The following DACH2 variants were observed in gnomAD, a reference collection of about 807,000 sequenced individuals.
DACH2 encodes the protein dachshund homolog 2.
In DACH2, 17 loss-of-function variants were observed where a neutral mutation model predicts 35.8. The ratio of observed to expected loss-of-function variants is 0.48; its 90% CI spans 0.33 to 0.71. The LOEUF is 0.71. Ranked by LOEUF, DACH2 falls within the 30% of genes least tolerant of loss-of-function variation. The probability of loss-of-function intolerance (pLI) is 0.02; values close to 1 mark genes in which losing one functional copy is unlikely to be tolerated. For missense variants in DACH2, 469 were observed against 472.7 expected (o/e 0.99, Z 0.07); for synonymous variants, 195 against 177.3 (o/e 1.10, Z -0.79).
At position 86,670,393 on chromosome X, in the gene DACH2, G is replaced by T. The variant is rs147428196; in HGVS notation, c.772+19226G>T. On this transcript the variant is annotated intron_variant, in intron 4 of 11. Coordinates refer to ENST00000373125, the MANE Select transcript of DACH2 (RefSeq NM_053281.3). The stretch of plus-strand genomic sequence containing the variant: ...TAGCTCTGTCTTCATTATAGACAAA[G>T]ATTCTTTTGTCAATAAAAACAAAGA... Among the ~76,000 whole-genome samples, 124 of 111,466 alleles carry T rather than the reference G, an allele frequency of 1.1e-3. 3 individuals carry two copies. In the East Asian group the frequency reaches 0.032, roughly 29 times the overall value.
At chrX:86,752,453 A>T (rs1308535379) in intron 7 of DACH2, among the ~76,000 whole-genome samples, 1 of 111,713 alleles carries the variant, frequency 9.0e-6, no homozygotes, top group Non-Finnish European at 1.9e-5. Flanking sequence ...GCTTATTATT[A>T]AAAGGTTAGA....
intron 3 of DACH2, among the ~76,000 whole-genome samples, chrX:86,528,965 A>G (rs1244513827): frequency 8.9e-6 from 1 of 112,166 alleles, no homozygotes; most frequent in Non-Finnish European, 1.9e-5. Flanking sequence ...TCTTGTAGCT[A>G]TTTTGAAAAA....
chrX:86,673,925 C>T (rs1461901397), intron 4 of DACH2, among the ~76,000 whole-genome samples: 1 of 111,996 alleles, frequency 8.9e-6, no homozygotes, highest in East Asian at 2.8e-4. Context: ...ATGCTTTCAC[C>T]ATGATTCTAA....
At chrX:86,424,240 T>C (rs2036854610) in intron 2 of DACH2, among the ~76,000 whole-genome samples, 1 of 111,358 alleles carries the variant, frequency 9.0e-6, no homozygotes, top group African/African-American at 3.3e-5. Context: ...GGTATTTTGA[T>C]AGGGATTTCA....
intron 2 of DACH2, among the ~76,000 whole-genome samples, chrX:86,501,617 C>A (rs1389353535): frequency 8.9e-6 from 1 of 112,032 alleles, no homozygotes; most frequent in Non-Finnish European, 1.9e-5. Flanking sequence ...ACCTTGCTAA[C>A]AACTGACCTT....
chrX:86,572,066 C>T (rs936051897), intron 3 of DACH2, among the ~76,000 whole-genome samples: 3 of 110,446 alleles, frequency 2.7e-5, no homozygotes, highest in African/African-American at 6.6e-5. Flanking sequence ...ACACAGAAAG[C>T]GGAACATCAC....
intron 3 of DACH2, among the ~76,000 whole-genome samples, chrX:86,541,101 T>C (rs1006759937): frequency 8.0e-5 from 9 of 112,040 alleles, no homozygotes; most frequent in Non-Finnish European, 1.7e-4. Flanking sequence ...CAGAAACACA[T>C]TCGTGTGCAA....
At chrX:86,803,288 T>C (rs1212192459) in intron 7 of DACH2, among the ~76,000 whole-genome samples, 3 of 111,953 alleles carry the variant, frequency 2.7e-5, no homozygotes, top group Non-Finnish European at 5.6e-5. Flanking sequence ...TAAATTTTTT[T>C]GCTCAGAGGA....
At chrX:86,349,968 C>G (rs1352135171) in intron 1 of DACH2, among the ~76,000 whole-genome samples, 1 of 111,409 alleles carries the variant, frequency 9.0e-6, no homozygotes, top group Non-Finnish European at 1.9e-5. Flanking sequence ...GAGTTTGAGA[C>G]CAGCCTGGCC....
intron 1 of DACH2, among the ~76,000 whole-genome samples, chrX:86,281,120 C>T (rs2034018526): frequency 9.0e-6 from 1 of 111,322 alleles, no homozygotes; most frequent in African/African-American, 3.3e-5. Flanking sequence ...CTACAGAACT[C>T]TCCACCCCAA....
At chrX:86,477,980 T>C (rs1028861386) in intron 2 of DACH2, among the ~76,000 whole-genome samples, 2 of 111,748 alleles carry the variant, frequency 1.8e-5, no homozygotes, top group Non-Finnish European at 3.8e-5. Context: ...AAAACAAAAC[T>C]AATGAAAACT....
chrX:86,823,055 C>T (rs780107180), intron 11 of DACH2, among the ~76,000 whole-genome samples: 8 of 110,938 alleles, frequency 7.2e-5, no homozygotes, highest in Admixed American at 1.9e-4. Context: ...CAAGTTCAAG[C>T]GATTCTTCTG....
intron 2 of DACH2, among the ~76,000 whole-genome samples, chrX:86,429,057 T>C (rs1329372032): frequency 9.0e-6 from 1 of 111,494 alleles, no homozygotes; most frequent in Non-Finnish European, 1.9e-5. Context: ...CTGCTCTTCA[T>C]TGTATCAGCA....
chrX:86,473,642 C>T (rs1430012660), intron 2 of DACH2, among the ~76,000 whole-genome samples: 4 of 111,215 alleles, frequency 3.6e-5, no homozygotes, highest in Non-Finnish European at 7.5e-5. Context: ...CTGTGCCTGG[C>T]TTATTTCACT....
At chrX:86,662,806 A>T (rs971483196) in intron 4 of DACH2, among the ~76,000 whole-genome samples, 2 of 111,560 alleles carry the variant, frequency 1.8e-5, no homozygotes, top group African/African-American at 6.5e-5. Context: ...ACTATGGAGA[A>T]TTATGCCTAA....
At chrX:86,401,485 T>C (rs1035271029) in intron 2 of DACH2, among the ~76,000 whole-genome samples, 4 of 112,148 alleles carry the variant, frequency 3.6e-5, no homozygotes, top group Non-Finnish European at 5.6e-5. Flanking sequence ...CTGGGAGCTG[T>C]AGACTGGAGC....
chrX:86,313,964 C>T (rs1373165356), intron 1 of DACH2, among the ~76,000 whole-genome samples: 1 of 111,622 alleles, frequency 9.0e-6, no homozygotes, highest in African/African-American at 3.3e-5. Flanking sequence ...TTATGGTGAT[C>T]TGTGATCAGT....
intron 5 of DACH2, among the ~76,000 whole-genome samples, chrX:86,703,558 A>G (rs2041170705): frequency 8.9e-6 from 1 of 112,044 alleles, no homozygotes; most frequent in South Asian, 3.7e-4. Flanking sequence ...GACATGTTAA[A>G]TGACTTCAGT....
At chrX:86,281,123 C>A (rs1289924771) in intron 1 of DACH2, among the ~76,000 whole-genome samples, 1 of 111,386 alleles carries the variant, frequency 9.0e-6, no homozygotes, top group African/African-American at 3.3e-5. Context: ...CAGAACTCTC[C>A]ACCCCAAATC....
Sources: allele counts gnomAD v4.1 joint callset (sites outside exome capture counted in the v4.1 genomes callset), GRCh38; gene constraint gnomAD v4.1.1; transcripts MANE v1.5; gene names NCBI Gene and HGNC (gene_info 2026-07-23, HGNC 2026-07-21).